CTNNA2: variants seen among roughly 807,000 people sequenced by gnomAD.
CTNNA2 encodes catenin alpha-2.
In CTNNA2, 42 loss-of-function variants were observed where a neutral mutation model predicts 101.0. The ratio of observed to expected loss-of-function variants is 0.42; its 90% confidence interval spans 0.32 to 0.54. The LOEUF (loss-of-function observed/expected upper bound fraction) is 0.54. Ranked by LOEUF, CTNNA2 falls within the 20% of genes least tolerant of loss-of-function variation. The pLI is 0.14. For missense variants in CTNNA2, 871 were observed against 1,223.1 expected, an observed-to-expected ratio of 0.71 and a Z score of 4.29; for synonymous variants, 450 against 456.4, an observed-to-expected ratio of 0.99 and a Z score of 0.18.
intron 15 of CTNNA2, among the ~76,000 whole-genome samples, chr2:80,594,852 C>T (rs1232592302): frequency 6.6e-6 from 1 of 151,946 alleles, no homozygotes; most frequent in Non-Finnish European, 1.5e-5. Flanking sequence ...TATTTCTGAA[C>T]TCCATTCTAT....
intron 7 of CTNNA2, among the ~76,000 whole-genome samples, chr2:80,250,718 CAG>C (rs1299473173): frequency 2.6e-5 from 4 of 152,060 alleles, no homozygotes; most frequent in African/African-American, 9.7e-5. Context: ...ATAAAAGGTT[CAG>C]AGGCAGCCTG....
At chr2:80,095,530 G>A (rs1264450948) in intron 7 of CTNNA2, among the ~76,000 whole-genome samples, 2 of 152,174 alleles carry the variant, frequency 1.3e-5, no homozygotes, top group African/African-American at 4.8e-5. Flanking sequence ...AATGAGTTAG[G>A]GAGGATTCCC....
rs1697812119 is a variant in CTNNA2, at chr2:80,604,322, A to G, written c.2295+143A>G. 8.9e-6 allele frequency: 6 copies of G among 675,804 alleles called. No individual in the cohort carries two copies. In the Admixed American group the frequency reaches 1.1e-4, roughly 13 times the overall value. 41.9% of individuals were successfully genotyped at this position (675,804 alleles called of 1,614,324 possible). A position where few individuals can be genotyped will look rare whatever the true frequency, so the allele number is the denominator to read the frequency against. On this transcript the variant is annotated intron_variant, in intron 16 of 18. Transcript: ENST00000402739. ...AATCACTGATATTTTACACACTGGT[A>G]TCTGCCTCTCCTGACACTGTGCTAG...
chr2:80,553,026 G>C, intron 11 of CTNNA2, among the ~76,000 whole-genome samples: 1 of 149,082 alleles, frequency 6.7e-6, no homozygotes, highest in South Asian at 2.1e-4. Context: ...AGAGCAGCTT[G>C]ACCAACATGG....
intron 1 of CTNNA2, chr2:79,523,247 G>A (rs528814090): frequency 2.2e-6 from 1 of 449,468 alleles, no homozygotes; most frequent in Admixed American, 2.4e-5. Flanking sequence ...TATGGGCTGT[G>A]GCATGGGCAG....
At chr2:79,244,218 TTCC>T (rs531377081) in intron 2 of CTNNA2, among the ~76,000 whole-genome samples, 133 of 152,322 alleles carry the variant, frequency 8.7e-4, no homozygotes, top group African/African-American at 3.1e-3. Context: ...ATTTGATCTC[TTCC>T]TCAAAACTAT....
intron 7 of CTNNA2, among the ~76,000 whole-genome samples, chr2:80,380,043 T>C (rs1459053089): frequency 7.0e-6 from 1 of 142,136 alleles, no homozygotes; most frequent in Non-Finnish European, 1.5e-5. Flanking sequence ...TTTTTTTTTT[T>C]TTTTTTTTTT....
At chr2:79,355,392 A>G (rs193107911) in intron 3 of CTNNA2, among the ~76,000 whole-genome samples, 37 of 152,240 alleles carry the variant, frequency 2.4e-4, no homozygotes, top group Admixed American at 2.3e-3. Flanking sequence ...TGTGTCATCT[A>G]CAATTTCTTT....
chr2:80,212,448 A>T (rs892438407), intron 7 of CTNNA2, among the ~76,000 whole-genome samples: 3 of 152,144 alleles, frequency 2.0e-5, no homozygotes, highest in African/African-American at 7.2e-5. Flanking sequence ...ATTTTGTCAA[A>T]GGCCTTTTCT....
chr2:80,519,934 C>A (rs140176906), intron 9 of CTNNA2, among the ~76,000 whole-genome samples: 1 of 152,264 alleles, frequency 6.6e-6, no homozygotes, highest in East Asian at 1.9e-4. Context: ...CATCAGGAGA[C>A]TGGTCACGCC....
chr2:79,790,086 C>G (rs528494640), intron 3 of CTNNA2, among the ~76,000 whole-genome samples: 8 of 152,220 alleles, frequency 5.3e-5, no homozygotes, highest in Middle Eastern at 3.4e-3. Flanking sequence ...ATGAGAATCA[C>G]AAATAGTGAT....
chr2:79,617,320 T>C (rs1678693854), intron 1 of CTNNA2, among the ~76,000 whole-genome samples: 1 of 152,214 alleles, frequency 6.6e-6, no homozygotes, highest in East Asian at 1.9e-4. Context: ...CATTTCCTCT[T>C]CAGGAAATAC....
chr2:79,273,894 C>T (rs1160706691), intron 2 of CTNNA2, among the ~76,000 whole-genome samples: 2 of 151,892 alleles, frequency 1.3e-5, no homozygotes, highest in Non-Finnish European at 2.9e-5. Context: ...CAATTCATGC[C>T]TTGTCACCTG....
At chr2:79,441,954 A>G (rs191552188) in intron 4 of CTNNA2, among the ~76,000 whole-genome samples, 12 of 152,268 alleles carry the variant, frequency 7.9e-5, no homozygotes, top group African/African-American at 2.9e-4. Context: ...TAGCTTTCAC[A>G]TGACTTTTCT....
At chr2:79,743,288 A>C (rs534434728) in intron 2 of CTNNA2, among the ~76,000 whole-genome samples, 1 of 152,350 alleles carries the variant, frequency 6.6e-6, no homozygotes, top group East Asian at 1.9e-4. Flanking sequence ...AAGGTTCAGA[A>C]GTTTATAGGA....
intron 4 of CTNNA2, chr2:79,498,882 T>C (rs1315673341): frequency 6.6e-6 from 1 of 152,196 alleles, no homozygotes; most frequent in Non-Finnish European, 1.5e-5. Context: ...AATAATTTGC[T>C]TTTCCGAGCA....
intron 7 of CTNNA2, among the ~76,000 whole-genome samples, chr2:79,922,414 TAGAC>T (rs1259573986): frequency 2.6e-5 from 4 of 152,090 alleles, no homozygotes; most frequent in Non-Finnish European, 4.4e-5. Context: ...TCCTGAAAAA[TAGAC>T]AGATACCTCT....
chr2:79,365,609 G>A (rs1330008748), intron 3 of CTNNA2, among the ~76,000 whole-genome samples: 1 of 144,912 alleles, frequency 6.9e-6, no homozygotes, highest in Non-Finnish European at 1.5e-5. Flanking sequence ...GAGTCACAAA[G>A]TGAGGCCCTG....
At chr2:79,642,521 A>G (rs954359091) in intron 1 of CTNNA2, among the ~76,000 whole-genome samples, 2 of 152,182 alleles carry the variant, frequency 1.3e-5, no homozygotes, top group African/African-American at 4.8e-5. Flanking sequence ...CTACCTCGTT[A>G]TAGTCAAAGT....
Sources: gnomAD v4.1 joint callset for allele counts (sites outside exome capture counted in the v4.1 genomes callset) on GRCh38, gnomAD v4.1.1 for gene constraint, MANE v1.5 for transcripts, NCBI Gene and HGNC (gene_info 2026-07-23, HGNC 2026-07-21) for gene names.